Variants in HIPK2 observed in about 807,000 individuals in gnomAD.
HIPK2 encodes the protein homeodomain interacting protein kinase 2, also known as homeodomain-interacting protein kinase 2.
In HIPK2, 27 loss-of-function variants were observed where a neutral mutation model predicts 113.7. The ratio of observed to expected loss-of-function variants is 0.24; its 90% CI spans 0.17 to 0.33. The LOEUF is 0.33. HIPK2 is among the 10% of genes least tolerant of loss of function. The probability of loss-of-function intolerance (pLI) is 1.00; values close to 1 mark genes in which losing one functional copy is unlikely to be tolerated. For missense variants in HIPK2, 1,257 were observed against 1,588.0 expected (o/e 0.79, Z 3.54); for synonymous variants, 631 against 642.2 (o/e 0.98, Z 0.26).
intron 2 of HIPK2, among the ~76,000 whole-genome samples, chr7:139,649,324 G>A (rs994939902): frequency 2.6e-5 from 4 of 152,172 alleles, no homozygotes; most frequent in African/African-American, 4.8e-5. Flanking sequence ...GGGCCCCAGA[G>A]CCCCGGTGCA....
intron 9 of HIPK2, among the ~76,000 whole-genome samples, chr7:139,607,142 G>A (rs1032594019): frequency 6.6e-6 from 1 of 152,084 alleles, no homozygotes; most frequent in African/African-American, 2.4e-5. Context: ...CATTCAAAAG[G>A]AGGTTTCAAA....
rs1478429790 is a variant in HIPK2, at chr7:139,569,971, G to T, written c.*2956C>A. ...TGAGCAGCATGGAAATTTCATTCCT[G>T]ATCTGGAAGAATAAAAGGAAAGAAA... On this transcript the variant is annotated 3_prime_UTR_variant, in exon 15 of 15. Coordinates refer to ENST00000406875, the MANE Select transcript of HIPK2 (RefSeq NM_022740.5). 1.3e-5 allele frequency: 2 copies of T among 152,192 alleles called. No individual in the cohort carries two copies. Among genetic ancestry groups the T allele is most frequent in the Non-Finnish European group, 2.9e-5 (2 of 68,032 alleles). The allele number at this position is 152,192 out of a possible 1,614,324, so 9.4% of individuals were successfully genotyped here.
intron 12 of HIPK2, among the ~76,000 whole-genome samples, chr7:139,593,684 C>T (rs1373137859): frequency 2.0e-5 from 3 of 152,122 alleles, no homozygotes; most frequent in African/African-American, 7.2e-5. Context: ...GCATTTTAGG[C>T]AAAGTTACAG....
In HIPK2 at chr7:139,716,531, C is replaced by A; in HGVS notation, c.504G>T (p.Thr168=). The A allele has an allele frequency of 6.2e-7, 1 of 1,613,988 alleles. No individual in the cohort carries two copies. The highest frequency in any genetic ancestry group is 8.5e-7 in the Non-Finnish European group (1 of 1,179,880). The change falls in exon 2 of 15, where the codon ACG becomes ACT. Residue 168 remains threonine, a synonymous_variant. Transcript: ENST00000406875. The surrounding 1 kb of genome is among the most constrained non-coding windows in gnomAD (Gnocchi z 9.3). ...ASGATVATAT[T]STATSKNSGS... is the part of the protein sequence containing the mutation. The stretch of plus-strand genomic sequence containing the variant: ...CGCTGTTTTTGGAGGTGGCAGTAGA[C>A]GTGGTGGCAGTGGCGACAGTGGCCC...
Position 139,575,317 on chromosome 7 carries a change from C to T in HIPK2, c.2966-29G>A, listed in dbSNP as rs2116481364. The T allele has an allele frequency of 2.6e-6, 4 of 1,541,760 alleles. No individual in the cohort carries two copies. In the East Asian group the frequency reaches 9.8e-5, roughly 38 times the overall value. On this transcript the variant is annotated intron_variant, in intron 13 of 14. Transcript: ENST00000406875. ...TGGCGGGAGGAGAAAGAGGTCAGATCAGTGGCAGGGTCCCAGCTGCCCAGA... is the reference window on the plus strand; with the variant it reads ...TGGCGGGAGGAGAAAGAGGTCAGATTAGTGGCAGGGTCCCAGCTGCCCAGA...
intron 1 of HIPK2, among the ~76,000 whole-genome samples, chr7:139,738,425 C>T (rs1796001813): frequency 6.6e-6 from 1 of 152,246 alleles, no homozygotes; most frequent in Admixed American, 6.5e-5. Context: ...GAAAATGTGG[C>T]TGGTGTGACT....
chr7:139,581,966 T>A (rs1193313211), intron 13 of HIPK2, among the ~76,000 whole-genome samples: 1 of 152,242 alleles, frequency 6.6e-6, no homozygotes, highest in African/African-American at 2.4e-5. Flanking sequence ...GTGTGCTGCA[T>A]ATACCCTTAA....
At chr7:139,595,476 G>C (rs867833535) in intron 12 of HIPK2, among the ~76,000 whole-genome samples, 17 of 152,214 alleles carry the variant, frequency 1.1e-4, no homozygotes, top group African/African-American at 4.1e-4. Context: ...GGCTGCCAAA[G>C]TATTCAGTGC....
chr7:139,625,080 AGCACATAC>A (rs1800379365), intron 6 of HIPK2, among the ~76,000 whole-genome samples: 1 of 152,230 alleles, frequency 6.6e-6, no homozygotes, highest in South Asian at 2.1e-4. Context: ...CCATGAGACC[AGCACATAC>A]GCTGACATCC....
At chr7:139,635,734 ACAGGACAACTC>A (rs1288871857) in intron 2 of HIPK2, among the ~76,000 whole-genome samples, 1 of 152,188 alleles carries the variant, frequency 6.6e-6, no homozygotes, top group Non-Finnish European at 1.5e-5. Context: ...ATCAAAGCAC[ACAGGACAACTC>A]GAGTCGAATA....
intron 1 of HIPK2, among the ~76,000 whole-genome samples, chr7:139,718,139 G>A (rs928367913): frequency 2.0e-5 from 3 of 152,096 alleles, no homozygotes; most frequent in South Asian, 2.1e-4. Context: ...TACAAATTAC[G>A]GTGATACTGA....
chr7:139,607,877 A>G (rs1464563785), intron 9 of HIPK2, among the ~76,000 whole-genome samples: 1 of 152,160 alleles, frequency 6.6e-6, no homozygotes, highest in African/African-American at 2.4e-5. Flanking sequence ...AAAAATCCAT[A>G]AAAAGCAGTC....
chr7:139,671,934 A>T (rs763000305), intron 2 of HIPK2, among the ~76,000 whole-genome samples: 3 of 152,232 alleles, frequency 2.0e-5, no homozygotes, highest in Non-Finnish European at 4.4e-5. Context: ...GATAGTTCAG[A>T]TTCAAGGCAA....
intron 12 of HIPK2, among the ~76,000 whole-genome samples, chr7:139,588,952 G>C (rs184340105): frequency 6.6e-6 from 1 of 152,156 alleles, no homozygotes; most frequent in Non-Finnish European, 1.5e-5. Flanking sequence ...TCTCAGCTTC[G>C]GGCACAGCTA....
intron 1 of HIPK2, among the ~76,000 whole-genome samples, chr7:139,719,345 C>G (rs1479149499): frequency 6.6e-6 from 1 of 152,072 alleles, no homozygotes; most frequent in Non-Finnish European, 1.5e-5. Context: ...CTCAAGTGAT[C>G]CACTCCCCTC....
intron 1 of HIPK2, among the ~76,000 whole-genome samples, chr7:139,774,112 G>A (rs904365320): frequency 6.6e-6 from 1 of 152,170 alleles, no homozygotes; most frequent in African/African-American, 2.4e-5. Context: ...AACTGGAAAG[G>A]GAATCGCAGG....
chr7:139,609,664 A>G (rs932052391), intron 9 of HIPK2, among the ~76,000 whole-genome samples: 1 of 152,234 alleles, frequency 6.6e-6, no homozygotes, highest in Non-Finnish European at 1.5e-5. Context: ...TTATAAATTA[A>G]CTTATTTTTG....
intron 2 of HIPK2, among the ~76,000 whole-genome samples, chr7:139,634,322 T>C (rs1048522842): frequency 1.5e-4 from 23 of 152,050 alleles, no homozygotes; most frequent in Admixed American, 4.6e-4. Flanking sequence ...GCCAGTGTTC[T>C]GCTTGGCACT....
rs568047961 is a variant in HIPK2, at chr7:139,774,865, T to C, written c.19+2740A>G. Among the ~76,000 whole-genome samples, 11 of 152,292 alleles carry C rather than the reference T, an allele frequency of 7.2e-5. No individual in the cohort carries two copies. The South Asian group carries it at 2.3e-3, about 32-fold the overall frequency. On this transcript the variant is annotated intron_variant, in intron 1 of 14. Coordinates refer to ENST00000406875, the MANE Select transcript of HIPK2 (RefSeq NM_022740.5). ...ATAAACCTTTTTATAAGAAGTTCAG[T>C]TCCAAACCACCAAAAACTAACATGC...
Sources: gnomAD v4.1 joint callset for allele counts (sites outside exome capture counted in the v4.1 genomes callset) on GRCh38, gnomAD v4.1.1 for gene constraint, Gnocchi (gnomAD v3.1) non-coding constraint, MANE v1.5 for transcripts, NCBI Gene and HGNC (gene_info 2026-07-23, HGNC 2026-07-21) for gene names.